Variants in ANKRD50 observed in about 807,000 individuals in gnomAD.
ANKRD50 encodes the protein ankyrin repeat domain-containing protein 50.
Under a neutral mutation model 112.0 loss-of-function variants are expected in ANKRD50, and 40 were observed. That is an observed-to-expected ratio of 0.36 (90% CI 0.28 to 0.46). The LOEUF is 0.46. Ranked by LOEUF, ANKRD50 falls within the 20% of genes least tolerant of loss-of-function variation. ANKRD50 has a pLI of 1.00. For synonymous variants in ANKRD50, 613 were observed against 619.1 expected (o/e 0.99, Z 0.15); for missense variants, 1,487 against 1,701.7 (o/e 0.87, Z 2.22).
chr4:124,690,958 T>C (rs1725122567), intron 2 of ANKRD50, among the ~76,000 whole-genome samples: 1 of 152,190 alleles, frequency 6.6e-6, no homozygotes, highest in South Asian at 2.1e-4. Flanking sequence ...AGTATAGGCA[T>C]ACATTAACTC....
chr4:124,671,548 G>C lies in ANKRD50; in HGVS notation c.1729C>G (p.His577Asp). Residue 577 changes from histidine (H) to aspartate (D), a missense_variant, in exon 4 of 5, where the codon CAT becomes GAT. Transcript: ENST00000504087. The part of the protein sequence containing the change: ...RGADLEIEDA[H>D]GHTPLTLAAR... ...GCTAGAGTGAGTGGTGTATGTCCATGAGCATCTTCTATCTCTAAATCTGCT... is the reference window on the plus strand; with the variant it reads ...GCTAGAGTGAGTGGTGTATGTCCATCAGCATCTTCTATCTCTAAATCTGCT... 1 of 1,613,750 alleles carries C rather than the reference G, an allele frequency of 6.2e-7. No individual in the cohort carries two copies. The highest frequency in any genetic ancestry group is 8.5e-7 in the Non-Finnish European group (1 of 1,179,832).
intron 2 of ANKRD50, among the ~76,000 whole-genome samples, chr4:124,680,096 C>T (rs1486921114): frequency 2.0e-5 from 3 of 152,222 alleles, no homozygotes; most frequent in Non-Finnish European, 4.4e-5. Flanking sequence ...GGTCAAATCC[C>T]TATTACATGC....
In ANKRD50 at chr4:124,669,677, C is replaced by T. The variant is rs776824924; in HGVS notation, c.3600G>A (p.Thr1200=). 1.9e-5 allele frequency: 30 copies of T among 1,612,690 alleles called. No individual in the cohort carries two copies. The highest frequency in any genetic ancestry group is 1.5e-4 in the Admixed American group (9 of 59,700). The stretch of plus-strand genomic sequence containing the variant: ...AGCTATCAATTGGCACTGTTTGAGC[C>T]GTTGCTGTAGATGAAGTAGTTCTCA... The part of the protein sequence containing the change: ...SSLRTTSSTA[T]AQTVPIDSFH... The change falls in exon 4 of 5, where the codon ACG becomes ACA. Residue 1200 remains threonine (T), a synonymous_variant. Coordinates refer to ENST00000504087, the MANE Select transcript of ANKRD50 (RefSeq NM_020337.3).
intron 2 of ANKRD50, among the ~76,000 whole-genome samples, chr4:124,683,128 T>A (rs979745854): frequency 1.3e-5 from 2 of 151,806 alleles, no homozygotes; most frequent in Non-Finnish European, 2.9e-5. Flanking sequence ...GTGTACATAT[T>A]TATCACACAC....
At chr4:124,707,197 CTTCCAT>C (rs1292406728) in intron 2 of ANKRD50, among the ~76,000 whole-genome samples, 1 of 152,034 alleles carries the variant, frequency 6.6e-6, no homozygotes, top group Non-Finnish European at 1.5e-5. Flanking sequence ...TAATTAGCTA[CTTCCAT>C]TTCCATTTCC....
At position 124,710,083 on chromosome 4, in the gene ANKRD50, A is replaced by G. The variant is rs1456456170; in HGVS notation, c.429T>C (p.Tyr143=). The part of the protein sequence containing the change: ...QICRSGLLQG[Y]EDKLRDPAVQ... ...CTGCTGGATCCCTTAGCTTGTCCTC[A>G]TATCCTTGGAGTAGTCCACTGCGGC... is the stretch of plus-strand genomic sequence containing the variant. The change falls in exon 2 of 5, where the codon TAT becomes TAC. Residue 143 remains tyrosine (Y), a synonymous_variant. Transcript: ENST00000504087. 6.2e-7 allele frequency: 1 copy of G among 1,614,134 alleles called. No homozygotes were observed. The highest frequency in any genetic ancestry group is 8.5e-7 in the Non-Finnish European group (1 of 1,180,044).
At chr4:124,706,762 C>G (rs1239244698) in intron 2 of ANKRD50, among the ~76,000 whole-genome samples, 1 of 152,054 alleles carries the variant, frequency 6.6e-6, no homozygotes, top group African/African-American at 2.4e-5. Flanking sequence ...TCTGATAACT[C>G]TCAACCTACC....
intron 2 of ANKRD50, among the ~76,000 whole-genome samples, chr4:124,683,187 T>C (rs140182274): frequency 3.1e-3 from 475 of 151,856 alleles, no homozygotes; most frequent in African/African-American, 0.011. Flanking sequence ...TGTGTAACAG[T>C]AGGTGTTTTC....
chr4:124,709,145 T>C (rs1434118546), intron 2 of ANKRD50, among the ~76,000 whole-genome samples: 1 of 151,820 alleles, frequency 6.6e-6, no homozygotes, highest in African/African-American at 2.4e-5. Flanking sequence ...AAGAATGTTA[T>C]TGTAGAGAAA....
At chr4:124,711,918 TC>T (rs1369510554) in intron 1 of ANKRD50, among the ~76,000 whole-genome samples, 2 of 152,106 alleles carry the variant, frequency 1.3e-5, no homozygotes, top group Non-Finnish European at 2.9e-5. Context: ...AGAGAGAAAT[TC>T]CTTCCAAGAC....
intron 3 of ANKRD50, among the ~76,000 whole-genome samples, chr4:124,674,736 C>G (rs1022086742): frequency 4.0e-5 from 6 of 151,714 alleles, no homozygotes; most frequent in Non-Finnish European, 4.4e-5. Context: ...TATAGAATTT[C>G]ATAAAGAAAA....
At chr4:124,692,288 A>G (rs1319635651) in intron 2 of ANKRD50, among the ~76,000 whole-genome samples, 4 of 152,204 alleles carry the variant, frequency 2.6e-5, no homozygotes, top group Admixed American at 2.6e-4. Context: ...AATGAACTAA[A>G]ACTCTCAAGT....
intron 3 of ANKRD50, among the ~76,000 whole-genome samples, chr4:124,674,838 T>C (rs1040970437): frequency 6.6e-6 from 1 of 151,880 alleles, no homozygotes; most frequent in African/African-American, 2.4e-5. Flanking sequence ...TACCATGTTC[T>C]TTACCAATGA....
At position 124,669,352 on chromosome 4, in the gene ANKRD50, G is replaced by C; in HGVS notation, c.3925C>G (p.Pro1309Ala). Residue 1309 changes from proline (P) to alanine (A), a missense_variant, in exon 4 of 5, where the codon CCT becomes GCT. Pro to Ala is a conservative substitution (Grantham distance 27). This residue lies in a region of ANKRD50 where 441 missense variants were observed against 432.2 expected (regional missense o/e 1.02). Transcript: ENST00000504087. ...GCAGCAGTCCCGGATTTGGCTATAG[G>C]TCCTCTTCTATCAAACTGAGTCATT... The part of the protein sequence containing the change: ...YEMTQFDRRG[P>A]IAKSGTAAPP... 6.2e-7 allele frequency: 1 copy of C among 1,613,624 alleles called. No homozygotes were observed. Among genetic ancestry groups the C allele is most frequent in the South Asian group, 1.1e-5 (1 of 91,006 alleles).
chr4:124,689,578 C>T (rs1328650700), intron 2 of ANKRD50, among the ~76,000 whole-genome samples: 1 of 152,198 alleles, frequency 6.6e-6, no homozygotes, highest in Non-Finnish European at 1.5e-5. Context: ...TTCCACCTGA[C>T]TGCACGAGGT....
At chr4:124,680,254 A>T (rs895950173) in intron 2 of ANKRD50, among the ~76,000 whole-genome samples, 1 of 152,204 alleles carries the variant, frequency 6.6e-6, no homozygotes, top group African/African-American at 2.4e-5. Context: ...GTATACCCCT[A>T]GAACCTAGCA....
Position 124,671,907 on chromosome 4 carries a change from A to G in ANKRD50, c.1370T>C (p.Leu457Ser). The G allele has an allele frequency of 6.2e-7, 1 of 1,613,878 alleles. No individual in the cohort carries two copies. Among genetic ancestry groups the G allele is most frequent in the Non-Finnish European group, 8.5e-7 (1 of 1,179,878 alleles). Residue 457 changes from leucine to serine, a missense_variant, in exon 4 of 5, where the codon TTG becomes TCG. Physicochemically the swap from Leu to Ser is moderately radical, Grantham distance 145 (BLOSUM62 -2). Transcript: ENST00000504087. ...LTPLEAQEFA[L>S]HLINSNLQLE... ...TTGTAAGTTTGAGTTAATTAAGTGC[A>G]ATGCAAATTCTTGTGCTTCCAATGG...
In ANKRD50 at chr4:124,669,395, T is replaced by C. The variant is rs780108468; in HGVS notation, c.3882A>G (p.Pro1294=). The C allele has an allele frequency of 5.0e-6, 8 of 1,613,550 alleles. No homozygotes were observed. In the East Asian group the frequency reaches 1.8e-4, roughly 36 times the overall value. The change falls in exon 4 of 5, where the codon CCA becomes CCG. Residue 1294 remains proline (P), a synonymous_variant. Coordinates refer to ENST00000504087, the MANE Select transcript of ANKRD50 (RefSeq NM_020337.3). Reference sequence around the variant, plus strand: ...GAGTCATTTCATATTCTAAAACCTTTGGCTGTGAAGAATTACTTTGTTTCG... The same window carrying C: ...GAGTCATTTCATATTCTAAAACCTTCGGCTGTGAAGAATTACTTTGTTTCG... ...KKAKQSNSSQ[P]KVLEYEMTQF...
chr4:124,683,843 T>C (rs1440444671), intron 2 of ANKRD50, among the ~76,000 whole-genome samples: 4 of 151,470 alleles, frequency 2.6e-5, no homozygotes, highest in Non-Finnish European at 5.9e-5. Flanking sequence ...TTGAAAGGTT[T>C]TTTTTGGACA....
Sources: gnomAD v4.1 joint callset for allele counts (sites outside exome capture counted in the v4.1 genomes callset) on GRCh38, gnomAD v4.1.1 for gene constraint, gnomAD v4.1.1 regional missense constraint, MANE v1.5 for transcripts, NCBI Gene and HGNC (gene_info 2026-07-23, HGNC 2026-07-21) for gene names.